The following DOCK1 variants were observed in gnomAD, a reference collection of about 807,000 sequenced individuals.
DOCK1 encodes the protein dedicator of cytokinesis 1, also known as dedicator of cytokinesis protein 1.
A neutral mutation model predicts 262.7 loss-of-function variants in DOCK1; 138 were observed. That is an observed-to-expected ratio of 0.53 (90% CI 0.46 to 0.61). The LOEUF (loss-of-function observed/expected upper bound fraction) is 0.61. Ranked by LOEUF, DOCK1 falls within the 20% of genes least tolerant of loss-of-function variation. The pLI is 0.00. For synonymous variants in DOCK1, 866 were observed against 867.4 expected (o/e 1.00, Z 0.03); for missense variants, 1,908 against 2,370.7 (o/e 0.80, Z 4.05).
intron 27 of DOCK1, among the ~76,000 whole-genome samples, chr10:127,191,225 C>T (rs967986396): frequency 2.4e-4 from 36 of 152,132 alleles, no homozygotes; most frequent in Admixed American, 2.4e-3. Context: ...TATCCTGATT[C>T]TACCTGGGAG....
At chr10:127,144,701 A>G (rs925133333) in intron 27 of DOCK1, among the ~76,000 whole-genome samples, 2 of 152,208 alleles carry the variant, frequency 1.3e-5, no homozygotes, top group African/African-American at 4.8e-5. Flanking sequence ...TCTCATCCTA[A>G]TAGTTTAAAA....
rs768813372 is a variant in DOCK1 at position 127,437,169 on chromosome 10, C to T, written c.5061-1858C>T. ...TTGTGTGTTCTTCCATTCAGAGGCACATCATAACCTGTTCTCTCTCTTATG... is the reference window on the plus strand; with the variant it reads ...TTGTGTGTTCTTCCATTCAGAGGCATATCATAACCTGTTCTCTCTCTTATG... On this transcript the variant is annotated intron_variant, in intron 48 of 51. Coordinates refer to ENST00000623213, the MANE Select transcript of DOCK1 (RefSeq NM_001290223.2). The surrounding 1 kb of genome is among the most constrained non-coding windows in gnomAD (Gnocchi z 4.4). Among the ~76,000 whole-genome samples the T allele has an allele frequency of 6.6e-6, 1 of 152,202 alleles. No homozygotes were observed. The highest frequency in any genetic ancestry group is 1.5e-5 in the Non-Finnish European group (1 of 68,040).
chr10:127,165,357 G>T (rs940091862), intron 27 of DOCK1, among the ~76,000 whole-genome samples: 4 of 152,142 alleles, frequency 2.6e-5, no homozygotes, highest in Non-Finnish European at 5.9e-5. Flanking sequence ...AGCTCTTGTT[G>T]CCAAAGACTA....
intron 27 of DOCK1, among the ~76,000 whole-genome samples, chr10:127,206,725 A>G (rs1052949492): frequency 2.6e-5 from 4 of 152,186 alleles, no homozygotes; most frequent in African/African-American, 4.8e-5. Context: ...TTATACATAC[A>G]TCTCTTAATT....
intron 23 of DOCK1, among the ~76,000 whole-genome samples, chr10:127,105,247 A>G (rs1368409449): frequency 6.6e-6 from 1 of 152,148 alleles, no homozygotes; most frequent in Admixed American, 6.5e-5. Flanking sequence ...TCCTTTATAA[A>G]TTACCCAGTC....
At chr10:127,411,064 T>C (rs2067818350) in intron 43 of DOCK1, 140 bp downstream of exon 43, 2 of 832,372 alleles carry the variant, frequency 2.4e-6, no homozygotes, top group South Asian at 3.6e-5. Flanking sequence ...GCAGAAATCT[T>C]AATCTATTAC....
chr10:127,262,273 G>A (rs1165862329), intron 29 of DOCK1, among the ~76,000 whole-genome samples: 2 of 149,616 alleles, frequency 1.3e-5, no homozygotes, highest in Non-Finnish European at 3.0e-5. Flanking sequence ...TGTGCATGTG[G>A]CTGTGTGTGT....
chr10:127,270,593 C>T (rs937367950), intron 29 of DOCK1, among the ~76,000 whole-genome samples: 2 of 142,362 alleles, frequency 1.4e-5, no homozygotes, highest in African/African-American at 2.5e-5. Flanking sequence ...CTGTGTGTGG[C>T]GTGGTCATTA....
chr10:126,974,091 G>C (rs2038320934), intron 2 of DOCK1, among the ~76,000 whole-genome samples: 1 of 152,136 alleles, frequency 6.6e-6, no homozygotes, highest in East Asian at 1.9e-4. Flanking sequence ...AGCTTTGAGA[G>C]CTCATTCGTG....
At chr10:127,132,727 C>A (rs545811044) in intron 27 of DOCK1, among the ~76,000 whole-genome samples, 2 of 152,218 alleles carry the variant, frequency 1.3e-5, no homozygotes, top group African/African-American at 4.8e-5. Context: ...GTAACATTTC[C>A]GTCTCCTGTG....
chr10:127,306,918 A>G (rs543426023), intron 29 of DOCK1, among the ~76,000 whole-genome samples: 66 of 152,332 alleles, frequency 4.3e-4, no homozygotes, highest in Admixed American at 3.7e-3. Flanking sequence ...TATTATGTGC[A>G]AAGTGTACCC....
intron 38 of DOCK1, among the ~76,000 whole-genome samples, chr10:127,394,693 A>T (rs1228467055): frequency 1.3e-5 from 2 of 152,216 alleles, no homozygotes; most frequent in Non-Finnish European, 2.9e-5. Flanking sequence ...TCAAAGCATG[A>T]GAAAGTCCAT....
chr10:127,118,445 C>T (rs1244891778), intron 25 of DOCK1, among the ~76,000 whole-genome samples: 2 of 152,138 alleles, frequency 1.3e-5, no homozygotes, highest in East Asian at 1.9e-4. Context: ...AAGTTTAATC[C>T]TTAGTTTTCC....
intron 29 of DOCK1, among the ~76,000 whole-genome samples, chr10:127,310,161 C>G (rs912474967): frequency 6.6e-6 from 1 of 152,182 alleles, no homozygotes; most frequent in South Asian, 2.1e-4. Flanking sequence ...AAGCGTGAGC[C>G]ACTGCGCCCG....
rs139739580 is a variant in DOCK1, at chr10:127,366,878, C to T, written c.3432+4666C>T. On this transcript the variant is annotated intron_variant, in intron 33 of 51. Transcript: ENST00000623213. ...ATAGCTTTTATAGCAGATGTGCAAA[C>T]CCTACTGGAGTAGGGGGAAGATATT... Among the ~76,000 whole-genome samples the T allele has an allele frequency of 1.7e-3, 263 of 152,258 alleles. 1 individual carries two copies. The highest frequency in any genetic ancestry group is 6.1e-3 in the African/African-American group (252 of 41,544).
At chr10:127,324,047 C>G (rs773139267) in intron 29 of DOCK1, among the ~76,000 whole-genome samples, 7 of 152,156 alleles carry the variant, frequency 4.6e-5, no homozygotes, top group Non-Finnish European at 5.9e-5. Flanking sequence ...TCTGCCAGCT[C>G]AGCTGTGAGT....
chr10:127,106,106 C>T, intron 23 of DOCK1, 125 bp from the exon 24 acceptor site: 1 of 956,386 alleles, frequency 1.0e-6, no homozygotes, highest in Non-Finnish European at 1.6e-6. Context: ...TAGCCGTCAG[C>T]CCCTCATCTG....
intron 7 of DOCK1, 87 bp from the exon 8 acceptor site, chr10:126,998,004 AC>A: frequency 9.9e-6 from 15 of 1,521,070 alleles, no homozygotes; most frequent in Non-Finnish European, 1.2e-5. Flanking sequence ...ATGAGTTATT[AC>A]AATTTTCTAT....
chr10:127,330,576 T>C (rs546683884), intron 29 of DOCK1, among the ~76,000 whole-genome samples: 1 of 152,324 alleles, frequency 6.6e-6, no homozygotes, highest in East Asian at 1.9e-4. Context: ...GCAATTCCAC[T>C]TCTGGGTATC....
Sources: gnomAD v4.1 joint callset for allele counts (sites outside exome capture counted in the v4.1 genomes callset) on GRCh38, gnomAD v4.1.1 for gene constraint, Gnocchi (gnomAD v3.1) non-coding constraint, MANE v1.5 for transcripts, NCBI Gene and HGNC (gene_info 2026-07-23, HGNC 2026-07-21) for gene names.